The following PRDM6 variants were observed in gnomAD, a reference collection of about 807,000 sequenced individuals.
The protein encoded by PRDM6 is PR/SET domain 6, also known as putative histone-lysine N-methyltransferase PRDM6.
A neutral mutation model predicts 60.8 loss-of-function variants in PRDM6; 25 were observed. That is an observed-to-expected ratio of 0.41 (90% CI 0.30 to 0.57). The LOEUF is 0.57. Among genes scored for constraint, PRDM6 ranks in the 20% least tolerant of loss-of-function variants. The probability of loss-of-function intolerance (pLI) is 0.27; values close to 1 mark genes in which losing one functional copy is unlikely to be tolerated. For missense variants in PRDM6, 839 were observed against 821.3 expected (o/e 1.02, Z -0.26); for synonymous variants, 407 against 357.4 (o/e 1.14, Z -1.57).
At chr5:123,110,088 C>T (rs1764275925) in intron 3 of PRDM6, among the ~76,000 whole-genome samples, 1 of 152,120 alleles carries the variant, frequency 6.6e-6, no homozygotes, top group Non-Finnish European at 1.5e-5. Flanking sequence ...AACAGTATAT[C>T]ATGCAAATTC....
chr5:123,155,803 A>T, intron 3 of PRDM6, 81 bp from the exon 4 acceptor site: 1 of 1,472,920 alleles, frequency 6.8e-7, no homozygotes, highest in Middle Eastern at 1.8e-4. Context: ...TGCAGCTGAC[A>T]CATAAAGACA....
At position 123,116,624 on chromosome 5, in the gene PRDM6, C is replaced by T. The variant is rs184532012; in HGVS notation, c.900+16663C>T. 2.7e-3 allele frequency among the ~76,000 whole-genome samples: 403 copies of T among 151,940 alleles called. 3 individuals carry two copies. Among genetic ancestry groups the T allele is most frequent in the Non-Finnish European group, 2.4e-3 (160 of 67,962 alleles). The stretch of plus-strand genomic sequence containing the variant: ...ATGGAAATCAAACTCAATTATGTAG[C>T]ATAAGTGAAAAAAAAAATTATTTTT... On this transcript the variant is annotated intron_variant, in intron 3 of 7. Transcript: ENST00000407847.
chr5:123,167,817 A>G (rs10077908), intron 5 of PRDM6, among the ~76,000 whole-genome samples: 48,443 of 152,048 alleles, frequency 0.32, 7,983 homozygotes, highest in East Asian at 0.59. Context: ...GCTGGCCAGT[A>G]TTTCCCACTC....
intron 3 of PRDM6, among the ~76,000 whole-genome samples, chr5:123,140,683 T>C (rs1369008764): frequency 6.6e-6 from 1 of 152,116 alleles, no homozygotes; most frequent in Non-Finnish European, 1.5e-5. Context: ...AGGCTATGAA[T>C]TTTTGCTTTC....
chr5:123,118,780 T>G (rs1764513716), intron 3 of PRDM6, among the ~76,000 whole-genome samples: 1 of 151,284 alleles, frequency 6.6e-6, no homozygotes, highest in Non-Finnish European at 1.5e-5. Context: ...GGAAGAGGAG[T>G]CTAAGGCAGC....
intron 3 of PRDM6, among the ~76,000 whole-genome samples, chr5:123,127,540 T>C (rs1004695045): frequency 6.6e-6 from 1 of 152,160 alleles, no homozygotes; most frequent in African/African-American, 2.4e-5. Context: ...ATTTAAGCAT[T>C]GTTAGTTGTG....
At position 123,180,260 on chromosome 5, in the gene PRDM6, C is replaced by G; in HGVS notation, c.1610C>G (p.Ala537Gly). Residue 537 changes from alanine (A) to glycine (G), a missense_variant, in exon 7 of 8, where the codon GCC (alanine) becomes GGC (glycine). Physicochemically the swap from Ala to Gly is moderately conservative, Grantham distance 60 (BLOSUM62 0). Transcript: ENST00000407847. ...RPFKCGYCGR[A>G]FAGATTLNNH... ...TTCAAGTGCGGCTACTGTGGTCGTG[C>G]CTTTGCCGGGGCCACCACCCTCAAC... The G allele has an allele frequency of 6.4e-7, 1 of 1,551,806 alleles. No homozygotes were observed. The highest frequency in any genetic ancestry group is 8.7e-7 in the Non-Finnish European group (1 of 1,147,026).
At chr5:123,091,255 A>T (rs956903631) in intron 2 of PRDM6, among the ~76,000 whole-genome samples, 16 of 152,214 alleles carry the variant, frequency 1.1e-4, no homozygotes, top group African/African-American at 3.6e-4. Context: ...AAAGAAAAAA[A>T]AATGACTGCT....
intron 3 of PRDM6, among the ~76,000 whole-genome samples, chr5:123,143,303 C>G (rs1175164543): frequency 6.6e-6 from 1 of 152,088 alleles, no homozygotes; most frequent in Admixed American, 6.6e-5. Flanking sequence ...GTAGCCCTGC[C>G]TGAAGCTTCT....
At chr5:123,151,722 C>T (rs1467431548) in intron 3 of PRDM6, among the ~76,000 whole-genome samples, 1 of 75,950 alleles carries the variant, frequency 1.3e-5, no homozygotes, top group Non-Finnish European at 3.2e-5. Context: ...TCATGGAGGC[C>T]TTATCTACTG....
intron 3 of PRDM6, among the ~76,000 whole-genome samples, chr5:123,130,945 G>C (rs1057035274): frequency 1.3e-5 from 2 of 152,178 alleles, no homozygotes; most frequent in East Asian, 3.8e-4. Flanking sequence ...AATTGCTTTT[G>C]AGCCAAATGA....
intron 3 of PRDM6, among the ~76,000 whole-genome samples, chr5:123,105,973 ACCCTGATTTACT>A (rs1764190292): frequency 6.6e-6 from 1 of 152,196 alleles, no homozygotes. Flanking sequence ...AATGGCTCAA[ACCCTGATTTACT>A]CACTGTAATA....
At chr5:123,160,785 A>G (rs1237171441) in intron 5 of PRDM6, among the ~76,000 whole-genome samples, 1 of 152,204 alleles carries the variant, frequency 6.6e-6, no homozygotes, top group African/African-American at 2.4e-5. Context: ...CTTTGCACAT[A>G]CAGTACATTC....
chr5:123,175,134 G>T (rs950127947), intron 6 of PRDM6, among the ~76,000 whole-genome samples: 9 of 152,190 alleles, frequency 5.9e-5, no homozygotes, highest in African/African-American at 2.2e-4. Context: ...TGGGGGGTAT[G>T]CTCCAGAAAG....
At chr5:123,176,588 G>C (rs1463853225) in intron 6 of PRDM6, among the ~76,000 whole-genome samples, 1 of 152,108 alleles carries the variant, frequency 6.6e-6, no homozygotes, top group Non-Finnish European at 1.5e-5. Flanking sequence ...GCACGTGCCT[G>C]TAGTCCCAGC....
chr5:123,098,428 C>G (rs1208874491), intron 2 of PRDM6, among the ~76,000 whole-genome samples: 2 of 152,254 alleles, frequency 1.3e-5, no homozygotes, highest in Non-Finnish European at 2.9e-5. Context: ...GCCATCCGCG[C>G]TGAGGCGCAG....
intron 4 of PRDM6, 88 bp downstream of exon 4, chr5:123,156,099 A>T (rs1008838393): frequency 1.0e-5 from 14 of 1,343,686 alleles, no homozygotes; most frequent in Non-Finnish European, 1.4e-5. Context: ...TGGGTAAAAA[A>T]AATCCTGCAG....
rs1720823216 is a variant in PRDM6, at chr5:123,191,517, T to C, written c.*4316T>C. 2 of 152,214 alleles carry C rather than the reference T, an allele frequency of 1.3e-5. No homozygotes were observed. The highest frequency in any genetic ancestry group is 4.1e-4 in the South Asian group (2 of 4,830). 9.4% of individuals were successfully genotyped at this position (152,214 alleles called of 1,614,324 possible). A position where few individuals can be genotyped will look rare whatever the true frequency, so the allele number is the denominator to read the frequency against. On this transcript the variant is annotated 3_prime_UTR_variant, in exon 8 of 8. Coordinates refer to ENST00000407847, the MANE Select transcript of PRDM6 (RefSeq NM_001136239.4). The stretch of plus-strand genomic sequence containing the variant: ...TTCTTCCTTGACATGAATTTAATTT[T>C]TATTTCCCAGAGTCTTTACTAGATC...
chr5:123,131,293 A>G (rs968738043), intron 3 of PRDM6, among the ~76,000 whole-genome samples: 1 of 152,162 alleles, frequency 6.6e-6, no homozygotes, highest in African/African-American at 2.4e-5. Flanking sequence ...GTTAATGAGA[A>G]TTTATTGTGT....
Sources: gnomAD v4.1 joint callset for allele counts (sites outside exome capture counted in the v4.1 genomes callset) on GRCh38, gnomAD v4.1.1 for gene constraint, MANE v1.5 for transcripts, NCBI Gene and HGNC (gene_info 2026-07-23, HGNC 2026-07-21) for gene names.